The following TRMT11 variants were observed in gnomAD, a reference collection of about 807,000 sequenced individuals.
TRMT11 encodes the protein tRNA (guanine(10)-N(2))-methyltransferase TRMT11.
In TRMT11, 53 loss-of-function variants were observed where a neutral mutation model predicts 62.8. That is an observed-to-expected ratio of 0.84 (90% CI 0.68 to 1.06). The LOEUF is 1.06. Ranked by LOEUF, TRMT11 falls within the 50% of genes least tolerant of loss-of-function variation. The probability of loss-of-function intolerance (pLI) is 0.00; values close to 1 mark genes in which losing one functional copy is unlikely to be tolerated. For synonymous variants in TRMT11, 188 were observed against 190.3 expected (o/e 0.99, Z 0.10); for missense variants, 556 against 553.4 (o/e 1.00, Z -0.05).
At chr6:126,201,627 C>T (rs983787743) in intron 3 of TRMT11, among the ~76,000 whole-genome samples, 3 of 152,206 alleles carry the variant, frequency 2.0e-5, no homozygotes, top group Admixed American at 6.5e-5. Context: ...TCCACTTCTT[C>T]AGGCATTTGA....
intron 17 of TRMT11, among the ~76,000 whole-genome samples, chr6:126,103,978 A>G (rs962862741): frequency 6.6e-6 from 1 of 152,240 alleles, no homozygotes; most frequent in African/African-American, 2.4e-5. Flanking sequence ...GAGCCTATCC[A>G]CCACAGAAAT....
intron 6 of TRMT11, 88 bp from the exon 7 acceptor site, chr6:125,999,369 T>C (rs1792106254): frequency 1.8e-5 from 19 of 1,027,042 alleles, no homozygotes; most frequent in Admixed American, 2.8e-5. Flanking sequence ...GAAGTTCTTA[T>C]CAGCAAAATA....
chr6:126,139,700 CTATA>C (rs1256792491), intron 21 of TRMT11, among the ~76,000 whole-genome samples: 1 of 151,936 alleles, frequency 6.6e-6, no homozygotes, highest in African/African-American at 2.4e-5. Flanking sequence ...CACATACTAT[CTATA>C]TAGTTTTTTT....
At chr6:126,126,275 A>C (rs1268196005) in intron 21 of TRMT11, among the ~76,000 whole-genome samples, 2 of 152,154 alleles carry the variant, frequency 1.3e-5, no homozygotes, top group Admixed American at 1.3e-4. Flanking sequence ...AGAAGTTCTT[A>C]AATATTAATG....
chr6:126,204,718 G>A (rs1176127804), downstream of TRMT11, among the ~76,000 whole-genome samples: 1 of 151,832 alleles, frequency 6.6e-6, no homozygotes. Flanking sequence ...GTGAATTACA[G>A]TTCTTTGTGT....
At chr6:126,211,159 A>G in the TRMT11 span, among the ~76,000 whole-genome samples, 4 of 152,150 alleles carry the variant, frequency 2.6e-5, no homozygotes, top group Non-Finnish European at 5.9e-5. Context: ...TGGGGCAGCT[A>G]AGGCAGTAGT....
At chr6:126,021,586 C>G (rs927775316) in intron 12 of TRMT11, among the ~76,000 whole-genome samples, 2 of 152,202 alleles carry the variant, frequency 1.3e-5, no homozygotes, top group Non-Finnish European at 2.9e-5. Context: ...CAACTGCTAT[C>G]TAATTAGCAA....
At chr6:126,211,360 A>G in the TRMT11 span, among the ~76,000 whole-genome samples, 1 of 152,100 alleles carries the variant, frequency 6.6e-6, no homozygotes, top group Non-Finnish European at 1.5e-5. Flanking sequence ...TTTTGCTTAC[A>G]TTAGATTAGG....
intron 12 of TRMT11, among the ~76,000 whole-genome samples, chr6:126,028,768 C>T (rs1338960202): frequency 6.6e-6 from 1 of 152,054 alleles, no homozygotes. Flanking sequence ...AACTCTTCCC[C>T]ACTAGCTCCA....
At chr6:126,188,839 C>T (rs1425875755) in intron 1 of TRMT11, among the ~76,000 whole-genome samples, 1 of 151,968 alleles carries the variant, frequency 6.6e-6, no homozygotes, top group African/African-American at 2.4e-5. Flanking sequence ...ATCTTCTTAC[C>T]AAGGACTTTT....
At chr6:126,081,670 C>T (rs936402465) in intron 17 of TRMT11, among the ~76,000 whole-genome samples, 10 of 152,108 alleles carry the variant, frequency 6.6e-5, no homozygotes, top group African/African-American at 2.4e-4. Context: ...TTGGAGGTCA[C>T]ATATACTACA....
chr6:126,244,154 T>A, the TRMT11 span, among the ~76,000 whole-genome samples: 1 of 152,052 alleles, frequency 6.6e-6, no homozygotes, highest in Non-Finnish European at 1.5e-5. Flanking sequence ...TCCTCTTTCT[T>A]TTTCATACTA....
intron 11 of TRMT11, 53 bp downstream of exon 11, chr6:126,013,154 A>G (rs994867491): frequency 1.3e-6 from 2 of 1,507,154 alleles, no homozygotes; most frequent in Admixed American, 3.9e-5. Flanking sequence ...ATGTTTGCGT[A>G]TCTAGTATAA....
At chr6:126,038,182 G>T (rs1053433020) in intron 12 of TRMT11, among the ~76,000 whole-genome samples, 5 of 151,984 alleles carry the variant, frequency 3.3e-5, no homozygotes, top group African/African-American at 1.2e-4. Context: ...CATCTACTAT[G>T]TTCACTTAAA....
chr6:126,244,636 AT>A, the TRMT11 span, among the ~76,000 whole-genome samples: 35 of 152,362 alleles, frequency 2.3e-4, no homozygotes, highest in East Asian at 6.7e-3. Context: ...AGACAGATAT[AT>A]TCTAGAATAG....
At chr6:126,178,613 T>C (rs955177468) in intron 1 of TRMT11, among the ~76,000 whole-genome samples, 1 of 152,242 alleles carries the variant, frequency 6.6e-6, no homozygotes, top group Admixed American at 6.5e-5. Context: ...TTCTGCCTTA[T>C]GTGAAAGACA....
the TRMT11 span, among the ~76,000 whole-genome samples, chr6:126,246,897 T>C: frequency 2.0e-5 from 3 of 152,208 alleles, no homozygotes; most frequent in African/African-American, 7.2e-5. Flanking sequence ...TTCTGGAAGA[T>C]AGAAAATATG....
rs918486035 is a variant in TRMT11, at chr6:126,007,862, A to G, written c.680-530A>G. 5.3e-5 allele frequency among the ~76,000 whole-genome samples: 8 copies of G among 152,186 alleles called. No individual in the cohort carries two copies. The East Asian group carries it at 1.5e-3, about 29-fold the overall frequency. On this transcript the variant is annotated intron_variant, in intron 7 of 12. Coordinates refer to ENST00000334379, the MANE Select transcript of TRMT11 (RefSeq NM_001031712.3). ...TAATTACTTGATTGGTTACAGGAGT[A>G]ACTATATTAAAATAGTTAATTCTTA... is the stretch of plus-strand genomic sequence containing the variant.
chr6:126,033,057 T>C (rs142765642), intron 12 of TRMT11, among the ~76,000 whole-genome samples: 33 of 152,240 alleles, frequency 2.2e-4, no homozygotes, highest in African/African-American at 6.3e-4. Flanking sequence ...AGCAGCTGAA[T>C]TGACGTATTG....
Sources: gnomAD v4.1 joint callset for allele counts (sites outside exome capture counted in the v4.1 genomes callset) on GRCh38, gnomAD v4.1.1 for gene constraint, MANE v1.5 for transcripts, NCBI Gene and HGNC (gene_info 2026-07-23, HGNC 2026-07-21) for gene names.